The following MACF1 variants were observed in gnomAD, a reference collection of about 807,000 sequenced individuals.
MACF1 encodes the protein microtubule-actin cross-linking factor 1.
MACF1 carries 193 observed loss-of-function variants against 854.8 expected under a neutral mutation model. That is an observed-to-expected ratio of 0.23 (90% confidence interval 0.20 to 0.25). The LOEUF is 0.25. MACF1 is among the 10% of genes least tolerant of loss of function. The pLI, the probability that MACF1 is intolerant of heterozygous loss-of-function variation, is 1.00. For missense variants in MACF1, 7,722 were observed against 8,929.1 expected (o/e 0.86, Z 5.45); for synonymous variants, 3,185 against 3,226.7 (o/e 0.99, Z 0.44).
At chr1:39,462,712 T>A (rs1644580160) in intron 93 of MACF1, among the ~76,000 whole-genome samples, 1 of 152,286 alleles carries the variant, frequency 6.6e-6, no homozygotes, top group African/African-American at 2.4e-5. Context: ...AAGACTTGTC[T>A]TAAAAAATAA....
At chr1:39,383,809 G>A (rs1040129539) in intron 56 of MACF1, among the ~76,000 whole-genome samples, 8 of 151,692 alleles carry the variant, frequency 5.3e-5, no homozygotes, top group Admixed American at 5.3e-4. Context: ...CTCGGGAGGC[G>A]AAGCTGACAG....
chr1:39,137,754 A>G (rs1643216131), intron 2 of MACF1, among the ~76,000 whole-genome samples: 1 of 152,164 alleles, frequency 6.6e-6, no homozygotes, highest in Non-Finnish European at 1.5e-5. Flanking sequence ...ATCTCATTCA[A>G]CTATATGAAC....
intron 2 of MACF1, among the ~76,000 whole-genome samples, chr1:39,240,275 T>A (rs781484529): frequency 3.9e-5 from 6 of 152,200 alleles, no homozygotes; most frequent in Non-Finnish European, 8.8e-5. Flanking sequence ...GACAAAGTAG[T>A]GCTGGTTAGA....
chr1:39,482,445 TG>T (rs1450866670), intron 99 of MACF1, among the ~76,000 whole-genome samples: 2 of 152,258 alleles, frequency 1.3e-5, no homozygotes, highest in African/African-American at 2.4e-5. Flanking sequence ...TTTACATAAT[TG>T]ATTTCAAAGA....
At chr1:39,343,209 C>T (rs1387021808) in intron 40 of MACF1, among the ~76,000 whole-genome samples, 5 of 152,130 alleles carry the variant, frequency 3.3e-5, no homozygotes, top group Non-Finnish European at 5.9e-5. Flanking sequence ...TTTATCAACC[C>T]TCTGCTATAG....
intron 58 of MACF1, chr1:39,412,183 G>A (rs1643041372): frequency 6.2e-7 from 1 of 1,613,960 alleles, no homozygotes; most frequent in Non-Finnish European, 8.5e-7. Flanking sequence ...CAGTCAAACT[G>A]AGGGGAATGG....
Position 39,424,193 on chromosome 1 carries a change from A to C in MACF1, c.16315A>C (p.Arg5439=), listed in dbSNP as rs775511191. The C allele has an allele frequency of 3.7e-6, 6 of 1,612,436 alleles. No individual in the cohort carries two copies. The African/African-American group carries it at 8.0e-5, about 22-fold the overall frequency. ...TGAACTACTCAGTAAGGCAGCAGCC[A>C]GGTAAGATCAAAGGAATTTTGAGGA... ...WTELLSKAAA[R]QKQLEDILVL... is the part of the protein sequence containing the mutation. Residue 5439 remains arginine (R), a splice_region_variant and synonymous_variant, in exon 61 of 101, where the codon AGG becomes CGG. Coordinates refer to ENST00000564288, the MANE Select transcript of MACF1 (RefSeq NM_001394062.1).
At position 39,424,193 on chromosome 1, in the gene MACF1, A is replaced by G; in HGVS notation, c.16315A>G (p.Arg5439Gly). Residue 5439 changes from arginine to glycine, a missense_variant and splice_region_variant, in exon 61 of 101, where the codon AGG (arginine) becomes GGG (glycine). This residue lies in a region of MACF1 where 2,807 missense variants were observed against 3,235.8 expected (regional missense o/e 0.87). Transcript: ENST00000564288. Reference protein sequence around the residue: ...WTELLSKAAARQKQLEDILVL... With the variant: ...WTELLSKAAAGQKQLEDILVL... ...TGAACTACTCAGTAAGGCAGCAGCC[A>G]GGTAAGATCAAAGGAATTTTGAGGA... is the stretch of plus-strand genomic sequence containing the variant. 1 of 1,612,554 alleles carries G rather than the reference A, an allele frequency of 6.2e-7. No individual in the cohort carries two copies. Among genetic ancestry groups the G allele is most frequent in the Non-Finnish European group, 8.5e-7 (1 of 1,179,148 alleles).
chr1:39,361,365 G>A lies in MACF1; in HGVS notation c.12459G>A (p.Leu4153=), dbSNP rs777248131. The part of the protein sequence containing the change: ...IQEALATNMK[L]KQDIARQKSS... Reference sequence around the variant, plus strand: ...AGACGTGTTCTTCATGACAGAAATTGAAGCAGGACATTGCTCGGCAAAAGA... The same window carrying A: ...AGACGTGTTCTTCATGACAGAAATTAAAGCAGGACATTGCTCGGCAAAAGA... The change falls in exon 49 of 101, where the codon TTG becomes TTA. Residue 4153 remains leucine (L), a synonymous_variant. Coordinates refer to ENST00000564288, the MANE Select transcript of MACF1 (RefSeq NM_001394062.1). 2.5e-6 allele frequency: 4 copies of A among 1,611,282 alleles called. No homozygotes were observed. The Admixed American group carries it at 6.7e-5, about 27-fold the overall frequency.
intron 14 of MACF1, among the ~76,000 whole-genome samples, chr1:39,286,750 T>G (rs185275121): frequency 8.5e-5 from 13 of 152,138 alleles, no homozygotes; most frequent in African/African-American, 1.7e-4. Flanking sequence ...GAGCCAAGAC[T>G]AGGACCCACA....
chr1:39,341,961 G>A (rs1646944731), intron 40 of MACF1, among the ~76,000 whole-genome samples: 2 of 151,858 alleles, frequency 1.3e-5, no homozygotes, highest in African/African-American at 4.8e-5. Context: ...TAAACTGCAT[G>A]TCATGAGGGT....
At chr1:39,275,659 T>A (rs1645420625) in intron 6 of MACF1, among the ~76,000 whole-genome samples, 2 of 152,210 alleles carry the variant, frequency 1.3e-5, no homozygotes, top group African/African-American at 4.8e-5. Context: ...CTACTGTTCT[T>A]TAGAAAGTAG....
intron 21 of MACF1, among the ~76,000 whole-genome samples, chr1:39,298,836 C>T (rs1645979034): frequency 6.6e-6 from 1 of 151,924 alleles, no homozygotes; most frequent in African/African-American, 2.4e-5. Flanking sequence ...TATCTCCTCC[C>T]TCCCACAGAG....
At position 39,228,420 on chromosome 1, in the gene MACF1, A is replaced by C. The variant is rs118163579; in HGVS notation, c.110-2762A>C. 1.8e-3 allele frequency among the ~76,000 whole-genome samples: 280 copies of C among 152,338 alleles called. 3 individuals carry two copies. The East Asian group carries it at 0.044, about 24-fold the overall frequency. On this transcript the variant is annotated intron_variant, in intron 1 of 100. Transcript: ENST00000564288. ...CAGTCATGAAGGGAAAATAAGTAGT[A>C]TGAGCAAAGAGTCAGTGATTTCGAT... is the stretch of plus-strand genomic sequence containing the variant.
chr1:39,150,136 G>C (rs1643548253), intron 2 of MACF1, among the ~76,000 whole-genome samples: 1 of 151,874 alleles, frequency 6.6e-6, no homozygotes, highest in African/African-American at 2.4e-5. Flanking sequence ...TCCCACCCCA[G>C]CTTCCCAAGT....
Position 39,331,423 on chromosome 1 carries a change from T to C in MACF1, c.4835T>C (p.Leu1612Pro). ...NLINPQMYQQ[L>P]RELQDALALI... Reference sequence around the variant, plus strand: ...ATTAATCCCCAGATGTACCAGCAGCTCCGGGAGCTACAGGATGCCCTGGCC... The same window carrying C: ...ATTAATCCCCAGATGTACCAGCAGCCCCGGGAGCTACAGGATGCCCTGGCC... Residue 1612 changes from leucine (L) to proline (P), a missense_variant, in exon 37 of 101, where the codon CTC becomes CCC. Leu to Pro is a moderately conservative substitution (Grantham distance 98). Around this residue, in one of 15 missense-constraint regions of MACF1, gnomAD observed 1,531 missense variants for 1,601.6 expected, o/e 0.96. Coordinates refer to ENST00000564288, the MANE Select transcript of MACF1 (RefSeq NM_001394062.1). 1 of 1,614,068 alleles carries C rather than the reference T, an allele frequency of 6.2e-7. No homozygotes were observed. Among genetic ancestry groups the C allele is most frequent in the Non-Finnish European group, 8.5e-7 (1 of 1,180,028 alleles).
intron 61 of MACF1, among the ~76,000 whole-genome samples, chr1:39,425,267 C>A (rs1482018116): frequency 6.6e-6 from 1 of 152,162 alleles, no homozygotes; most frequent in East Asian, 1.9e-4. Flanking sequence ...ACTCTCCCCT[C>A]AGTTCATGAC....
intron 30 of MACF1, among the ~76,000 whole-genome samples, chr1:39,319,446 C>T (rs563395043): frequency 1.3e-5 from 2 of 152,116 alleles, no homozygotes; most frequent in East Asian, 3.9e-4. Flanking sequence ...CTTGTTTCTA[C>T]AAAAGATTAA....
chr1:39,308,884 G>A (rs1247006147), intron 23 of MACF1, among the ~76,000 whole-genome samples: 1 of 151,986 alleles, frequency 6.6e-6, no homozygotes, highest in South Asian at 2.1e-4. Flanking sequence ...TTGAACTCCC[G>A]ACCTCAGGTG....
Sources: gnomAD v4.1 joint callset for allele counts (sites outside exome capture counted in the v4.1 genomes callset) on GRCh38, gnomAD v4.1.1 for gene constraint, gnomAD v4.1.1 regional missense constraint, MANE v1.5 for transcripts, NCBI Gene and HGNC (gene_info 2026-07-23, HGNC 2026-07-21) for gene names.